The following DDX31 variants were observed in gnomAD, a reference collection of about 807,000 sequenced individuals.
DDX31 encodes the protein ATP-dependent DNA helicase DDX31.
DDX31 carries 70 observed loss-of-function variants against 91.3 expected under a neutral mutation model. That is an observed-to-expected ratio of 0.77 (90% CI 0.63 to 0.94). DDX31 has a LOEUF of 0.94. Among genes scored for constraint, DDX31 ranks in the 40% least tolerant of loss-of-function variants. DDX31 has a pLI of 0.00. For synonymous variants in DDX31, 362 were observed against 350.6 expected, an observed-to-expected ratio of 1.03 and a Z score of -0.36; for missense variants, 902 against 925.0, an observed-to-expected ratio of 0.98 and a Z score of 0.32.
intron 13 of DDX31, among the ~76,000 whole-genome samples, chr9:132,644,206 A>T (rs1341327132): frequency 6.6e-6 from 1 of 152,250 alleles, no homozygotes; most frequent in Non-Finnish European, 1.5e-5. Flanking sequence ...CTACACAGAC[A>T]TTCTACTTTT....
chr9:132,613,566 T>G (rs1446903937), intron 18 of DDX31, among the ~76,000 whole-genome samples: 1 of 152,186 alleles, frequency 6.6e-6, no homozygotes, highest in South Asian at 2.1e-4. Flanking sequence ...TGGTGGCAGG[T>G]GCCTGTAATC....
intron 19 of DDX31, among the ~76,000 whole-genome samples, chr9:132,610,109 G>A (rs1057348769): frequency 6.6e-6 from 1 of 152,180 alleles, no homozygotes; most frequent in African/African-American, 2.4e-5. Context: ...ACTGGGGAGA[G>A]CAGATCCTAA....
rs776716557 is a variant in DDX31 at position 132,615,011 on chromosome 9, G to A, written c.1826-2756C>T. Among the ~76,000 whole-genome samples, 34 of 152,196 alleles carry A rather than the reference G, an allele frequency of 2.2e-4. 1 individual carries two copies. The highest frequency in any genetic ancestry group is 4.1e-4 in the Non-Finnish European group (28 of 68,010). On this transcript the variant is annotated intron_variant, in intron 18 of 19. Transcript: ENST00000372159. Reference sequence around the variant, plus strand: ...AGCAGGAAGTGCTCATGTTGGCAGCGTCGAGAATGTGCAGAAGGAACAGGG... The same window carrying A: ...AGCAGGAAGTGCTCATGTTGGCAGCATCGAGAATGTGCAGAAGGAACAGGG...
At chr9:132,669,068 G>A (rs1034131122) in intron 1 of DDX31, among the ~76,000 whole-genome samples, 2 of 152,166 alleles carry the variant, frequency 1.3e-5, no homozygotes, top group Non-Finnish European at 2.9e-5. Flanking sequence ...TAAGATAAAA[G>A]ATTGTGGAGA....
At chr9:132,662,720 TC>T in intron 1 of DDX31, 25 bp from the exon 2 acceptor site, 2 of 1,613,452 alleles carry the variant, frequency 1.2e-6, no homozygotes, top group Non-Finnish European at 1.7e-6. Flanking sequence ...GAAGGAAAGA[TC>T]AACAAGAGAT....
intron 7 of DDX31, 37 bp from the exon 8 acceptor site, chr9:132,651,153 A>G: frequency 6.6e-7 from 1 of 1,507,920 alleles, no homozygotes; most frequent in East Asian, 2.3e-5. Context: ...GATGAACAGG[A>G]TCCCCCTTTT....
At chr9:132,613,786 G>A (rs1007470583) in intron 18 of DDX31, among the ~76,000 whole-genome samples, 3 of 152,194 alleles carry the variant, frequency 2.0e-5, no homozygotes, top group African/African-American at 7.2e-5. Flanking sequence ...TTCCCAGGAG[G>A]GTGGAGCTTT....
intron 18 of DDX31, among the ~76,000 whole-genome samples, chr9:132,612,775 C>T (rs188220583): frequency 1.5e-4 from 23 of 152,320 alleles, no homozygotes; most frequent in African/African-American, 5.5e-4. Flanking sequence ...GTTCAAAAGG[C>T]TGTCTTATGA....
intron 1 of DDX31, among the ~76,000 whole-genome samples, chr9:132,668,149 C>CATCTAA (rs1419011835): frequency 7.2e-5 from 11 of 152,158 alleles, no homozygotes; most frequent in African/African-American, 2.7e-4. Flanking sequence ...TACTGCCAAA[C>CATCTAA]ATCTAAATCC....
At chr9:132,666,775 C>T (rs975036535) in intron 1 of DDX31, among the ~76,000 whole-genome samples, 9 of 151,576 alleles carry the variant, frequency 5.9e-5, no homozygotes, top group Non-Finnish European at 1.0e-4. Flanking sequence ...GGCGCAATCT[C>T]GGCTCACTGC....
At chr9:132,649,272 A>T (rs541782916) in intron 9 of DDX31, among the ~76,000 whole-genome samples, 2 of 152,274 alleles carry the variant, frequency 1.3e-5, no homozygotes, top group African/African-American at 2.4e-5. Context: ...CTTCCCTTGC[A>T]GTTAAGTATA....
intron 15 of DDX31, 149 bp from the exon 16 acceptor site, chr9:132,630,552 C>T (rs911734892): frequency 5.3e-6 from 4 of 748,288 alleles, no homozygotes; most frequent in Non-Finnish European, 7.6e-6. Flanking sequence ...AGAAGTCACC[C>T]AACCCTGAAA....
intron 18 of DDX31, among the ~76,000 whole-genome samples, chr9:132,616,001 G>A (rs1043061414): frequency 1.3e-5 from 2 of 152,224 alleles, no homozygotes; most frequent in African/African-American, 2.4e-5. Context: ...CAATAGTGGG[G>A]AATTTGCATA....
chr9:132,598,688 G>A (rs572391834), intron 19 of DDX31, among the ~76,000 whole-genome samples: 35 of 152,242 alleles, frequency 2.3e-4, no homozygotes, highest in African/African-American at 8.2e-4. Context: ...TCTAATTCAG[G>A]CTTTTGCTAA....
chr9:132,652,102 G>T (rs888075907), intron 7 of DDX31, among the ~76,000 whole-genome samples: 1 of 151,920 alleles, frequency 6.6e-6, no homozygotes, highest in African/African-American at 2.4e-5. Flanking sequence ...AAAAAATAAA[G>T]GTTCATTTTC....
chr9:132,640,160 G>A (rs909246702), intron 14 of DDX31, among the ~76,000 whole-genome samples: 3 of 152,204 alleles, frequency 2.0e-5, no homozygotes, highest in Non-Finnish European at 4.4e-5. Context: ...GACCAGGTGG[G>A]ATGATCATTA....
chr9:132,652,621 G>C (rs774727158), intron 6 of DDX31, 129 bp from the exon 7 acceptor site: 8 of 1,193,166 alleles, frequency 6.7e-6, no homozygotes, highest in Non-Finnish European at 7.2e-6. Flanking sequence ...ACAAAATAAG[G>C]TTGCCCACTG....
At chr9:132,646,555 C>T (rs781599157) in intron 12 of DDX31, among the ~76,000 whole-genome samples, 15 of 152,140 alleles carry the variant, frequency 9.9e-5, no homozygotes, top group African/African-American at 3.1e-4. Context: ...CAGCTGTTCC[C>T]GCCACCTGTG....
intron 18 of DDX31, 62 bp from the exon 19 acceptor site, chr9:132,612,317 C>T: frequency 6.3e-7 from 1 of 1,597,764 alleles, no homozygotes; most frequent in Non-Finnish European, 8.6e-7. Context: ...CTCCAAAGTG[C>T]CCGGCCTAAT....
Sources: gnomAD v4.1 joint callset for allele counts (sites outside exome capture counted in the v4.1 genomes callset) on GRCh38, gnomAD v4.1.1 for gene constraint, MANE v1.5 for transcripts, NCBI Gene and HGNC (gene_info 2026-07-23, HGNC 2026-07-21) for gene names.